Variants in UBXN2B observed in about 807,000 individuals in gnomAD.
The protein encoded by UBXN2B is UBX domain-containing protein 2B.
Under a neutral mutation model 37.5 loss-of-function variants are expected in UBXN2B, and 19 were observed. The observed-to-expected ratio is 0.51, with a 90% CI of 0.35 to 0.74. UBXN2B has a LOEUF of 0.74. UBXN2B is among the 30% of genes least tolerant of loss of function. The probability of loss-of-function intolerance (pLI) is 0.01; values close to 1 mark genes in which losing one functional copy is unlikely to be tolerated. For synonymous variants in UBXN2B, 145 were observed against 143.8 expected (o/e 1.01, Z -0.06); for missense variants, 370 against 393.2 (o/e 0.94, Z 0.50).
chr8:58,421,847 G>A (rs771737206), intron 2 of UBXN2B, among the ~76,000 whole-genome samples: 2 of 152,230 alleles, frequency 1.3e-5, no homozygotes, highest in Non-Finnish European at 2.9e-5. Context: ...ATGATAGTTT[G>A]CTGACCTTGT....
At chr8:58,418,033 G>A (rs1807829467) in intron 2 of UBXN2B, among the ~76,000 whole-genome samples, 1 of 152,078 alleles carries the variant, frequency 6.6e-6, no homozygotes, top group African/African-American at 2.4e-5. Context: ...TTGAGGTCAG[G>A]AGTTCAAGAC....
intron 6 of UBXN2B, among the ~76,000 whole-genome samples, chr8:58,444,035 A>G (rs1055175868): frequency 7.9e-5 from 12 of 152,166 alleles, no homozygotes; most frequent in Non-Finnish European, 1.2e-4. Flanking sequence ...CAATAGTTTC[A>G]TTGTGACATA....
intron 1 of UBXN2B, among the ~76,000 whole-genome samples, chr8:58,414,271 A>G (rs556743870): frequency 5.9e-5 from 9 of 152,320 alleles, no homozygotes; most frequent in African/African-American, 2.2e-4. Flanking sequence ...CCAGAGTGTG[A>G]TTCATTGGTT....
chr8:58,446,232 G>A (rs1478665610), intron 7 of UBXN2B, among the ~76,000 whole-genome samples, 164 bp downstream of exon 7: 3 of 150,428 alleles, frequency 2.0e-5, no homozygotes, highest in Admixed American at 2.0e-4. Context: ...GACAATAGCT[G>A]TGTTTAAGAA....
At chr8:58,432,375 CTTTTTTTTT>C (rs34018318) in intron 3 of UBXN2B, among the ~76,000 whole-genome samples, 4 of 81,520 alleles carry the variant, frequency 4.9e-5, no homozygotes, top group Admixed American at 3.9e-4. Context: ...TTCTAAATTT[CTTTTTTTTT>C]TTTTTTTTTT....
In UBXN2B at chr8:58,448,614, A is replaced by G. The variant is rs1362397669; in HGVS notation, c.*1063A>G. ...TTTTTCTAGGAAACTCACTGTATAC[A>G]CTAAACACTATTCTGTGTGCTCAAC... On this transcript the variant is annotated 3_prime_UTR_variant, in exon 8 of 8. Transcript: ENST00000399598. 1 of 152,564 alleles carries G rather than the reference A, an allele frequency of 6.6e-6. No individual in the cohort carries two copies. The highest frequency in any genetic ancestry group is 1.9e-4 in the East Asian group (1 of 5,192). The allele number at this position is 152,564 out of a possible 1,614,324, so 9.5% of individuals were successfully genotyped here. A position where few individuals can be genotyped will look rare whatever the true frequency, so the allele number is the denominator to read the frequency against.
intron 6 of UBXN2B, 81 bp from the exon 7 acceptor site, chr8:58,445,826 C>T: frequency 8.1e-7 from 1 of 1,241,394 alleles, no homozygotes. Flanking sequence ...CAAATGAAGC[C>T]ATGTTCTAAG....
At chr8:58,438,186 A>G (rs1808461294) in intron 5 of UBXN2B, among the ~76,000 whole-genome samples, 4 of 152,350 alleles carry the variant, frequency 2.6e-5, no homozygotes, top group Admixed American at 2.6e-4. Context: ...TGTTAAGCCT[A>G]CAGGCACACA....
chr8:58,440,975 C>T (rs13277801), intron 6 of UBXN2B, among the ~76,000 whole-genome samples: 105,131 of 151,284 alleles, frequency 0.69, 36,739 homozygotes, highest in East Asian at 0.79. Context: ...TCTCTTTACA[C>T]GTCAGGCTTC....
chr8:58,434,606 C>A, intron 5 of UBXN2B, 102 bp downstream of exon 5: 2 of 981,348 alleles, frequency 2.0e-6, no homozygotes, highest in South Asian at 2.2e-5. Flanking sequence ...AGAAGTAGTT[C>A]CTGGAATATA....
At chr8:58,444,774 A>G (rs576685377) in intron 6 of UBXN2B, among the ~76,000 whole-genome samples, 2 of 152,344 alleles carry the variant, frequency 1.3e-5, no homozygotes, top group South Asian at 4.1e-4. Context: ...AACCTTATGT[A>G]TATTTTTATG....
chr8:58,433,678 A>T (rs925679229), intron 4 of UBXN2B, among the ~76,000 whole-genome samples: 3 of 151,846 alleles, frequency 2.0e-5, no homozygotes, highest in Admixed American at 6.6e-5. Context: ...GCTCACGCCT[A>T]TAATCCTAGC....
intron 2 of UBXN2B, among the ~76,000 whole-genome samples, chr8:58,422,106 T>G (rs1415883790): frequency 1.3e-5 from 2 of 152,222 alleles, no homozygotes; most frequent in Non-Finnish European, 2.9e-5. Flanking sequence ...GATTCAAGCT[T>G]CTTGCTGCAA....
At chr8:58,423,041 A>T (rs1185741074) in intron 2 of UBXN2B, among the ~76,000 whole-genome samples, 2 of 152,056 alleles carry the variant, frequency 1.3e-5, no homozygotes, top group Admixed American at 6.6e-5. Context: ...TTGTTTAGTA[A>T]GTAGAGGGCA....
intron 2 of UBXN2B, chr8:58,425,221 C>A: frequency 9.4e-7 from 1 of 1,060,050 alleles, no homozygotes; most frequent in South Asian, 1.3e-5. Flanking sequence ...ATTCCTAACA[C>A]GCATGATGCC....
intron 1 of UBXN2B, among the ~76,000 whole-genome samples, chr8:58,412,017 A>G (rs1014664589): frequency 2.0e-5 from 3 of 152,178 alleles, no homozygotes; most frequent in Non-Finnish European, 4.4e-5. Flanking sequence ...AAAACATTGC[A>G]CTGAAGAAAC....
intron 5 of UBXN2B, among the ~76,000 whole-genome samples, chr8:58,435,645 T>G (rs1258101963): frequency 6.6e-6 from 1 of 152,172 alleles, no homozygotes; most frequent in Non-Finnish European, 1.5e-5. Flanking sequence ...ACAAAGAACA[T>G]ATTGAGAATG....
rs916336761 is a variant in UBXN2B at position 58,451,037 on chromosome 8, A to G, written c.*3486A>G. 2.6e-5 allele frequency: 4 copies of G among 152,670 alleles called. No individual in the cohort carries two copies. The highest frequency in any genetic ancestry group is 4.8e-5 in the African/African-American group (2 of 41,452). 9.5% of individuals were successfully genotyped at this position (152,670 alleles called of 1,614,324 possible). Reference sequence around the variant, plus strand: ...GGTAAAACAACTTTTTCATGGGTCAAAATCATCTTCCGAAGAAAATGATTT... The same window carrying G: ...GGTAAAACAACTTTTTCATGGGTCAGAATCATCTTCCGAAGAAAATGATTT... On this transcript the variant is annotated 3_prime_UTR_variant, in exon 8 of 8. Coordinates refer to ENST00000399598, the MANE Select transcript of UBXN2B (RefSeq NM_001077619.2).
intron 2 of UBXN2B, among the ~76,000 whole-genome samples, chr8:58,424,341 T>C (rs567674320): frequency 6.6e-6 from 1 of 152,316 alleles, no homozygotes; most frequent in East Asian, 1.9e-4. Context: ...AAATATAATG[T>C]CTACATAGTA....
Sources: allele counts gnomAD v4.1 joint callset (sites outside exome capture counted in the v4.1 genomes callset), GRCh38; gene constraint gnomAD v4.1.1; transcripts MANE v1.5; gene names NCBI Gene and HGNC (gene_info 2026-07-23, HGNC 2026-07-21).